VAC14: variants seen among roughly 807,000 people sequenced by gnomAD.
VAC14 encodes the protein VAC14 component of PIKFYVE complex.
VAC14 carries 47 observed loss-of-function variants against 85.3 expected under a neutral mutation model. The observed-to-expected ratio is 0.55, with a 90% CI of 0.44 to 0.70. The LOEUF (loss-of-function observed/expected upper bound fraction) is 0.70. Ranked by LOEUF, VAC14 falls within the 30% of genes least tolerant of loss-of-function variation. VAC14 has a pLI of 0.00. For missense variants in VAC14, 861 were observed against 1,004.3 expected (o/e 0.86, Z 1.93); for synonymous variants, 447 against 430.5 (o/e 1.04, Z -0.47).
intron 14 of VAC14, among the ~76,000 whole-genome samples, chr16:70,709,006 C>T (rs1023669167): frequency 6.6e-6 from 1 of 152,226 alleles, no homozygotes; most frequent in African/African-American, 2.4e-5. Context: ...GAGAAGTGCC[C>T]AAGCCCTTGG....
chr16:70,697,636 A>G (rs1289053686), intron 15 of VAC14, among the ~76,000 whole-genome samples: 1 of 152,090 alleles, frequency 6.6e-6, no homozygotes, highest in Non-Finnish European at 1.5e-5. Context: ...GTGGGCAGGG[A>G]AGGGAGGAAG....
chr16:70,761,022 TGGGGGGGCGG>T (rs2032324436), intron 12 of VAC14: 2 of 190,054 alleles, frequency 1.1e-5, no homozygotes, highest in African/African-American at 5.1e-5. Flanking sequence ...TGTGTGTGCA[TGGGGGGGCGG>T]GGGGTAGGCA....
At chr16:70,754,721 G>A (rs1438461084) in intron 12 of VAC14, among the ~76,000 whole-genome samples, 2 of 152,124 alleles carry the variant, frequency 1.3e-5, no homozygotes, top group South Asian at 2.1e-4. Flanking sequence ...GCACCGACAC[G>A]GCACCCCTCC....
intron 12 of VAC14, among the ~76,000 whole-genome samples, chr16:70,758,518 G>C (rs1481825910): frequency 6.6e-6 from 1 of 152,242 alleles, no homozygotes; most frequent in Non-Finnish European, 1.5e-5. Context: ...CTGGGAGGCA[G>C]CTGTGCCTAG....
Position 70,731,622 on chromosome 16 carries a change from T to C in VAC14, c.1534A>G (p.Lys512Glu). 1 of 1,613,974 alleles carries C rather than the reference T, an allele frequency of 6.2e-7. No homozygotes were observed. The highest frequency in any genetic ancestry group is 8.5e-7 in the Non-Finnish European group (1 of 1,179,946). Residue 512 changes from lysine to glutamate, a missense_variant, in exon 14 of 19, where the codon AAA becomes GAA. Physicochemically the swap from Lys to Glu is moderately conservative, Grantham distance 56. This residue lies in a region of VAC14 where 629 missense variants were observed against 703.1 expected (regional missense o/e 0.89). Coordinates refer to ENST00000261776, the MANE Select transcript of VAC14 (RefSeq NM_018052.5). ...RAGLLNTSGT[K>E]GLECSPSTPT... is the part of the protein sequence containing the mutation. ...GTTGAAGGAGAACATTCTAAGCCTTTGGTACCTGTAGAGAAAGGGATAGAG... is the reference window on the plus strand; with the variant it reads ...GTTGAAGGAGAACATTCTAAGCCTTCGGTACCTGTAGAGAAAGGGATAGAG...
Position 70,785,694 on chromosome 16 carries a change from G to T in VAC14, c.423+8C>A. On this transcript the variant is annotated splice_region_variant and intron_variant, in intron 3 of 18. Coordinates refer to ENST00000261776, the MANE Select transcript of VAC14 (RefSeq NM_018052.5). Reference sequence around the variant, plus strand: ...CAGCTCAGTGAGGAGGAGGAGGAGGGCGGTTACCTTGCTCAGCCCGTCAAA... The same window carrying T: ...CAGCTCAGTGAGGAGGAGGAGGAGGTCGGTTACCTTGCTCAGCCCGTCAAA... The T allele has an allele frequency of 3.9e-6, 6 of 1,549,582 alleles. No homozygotes were observed.
At chr16:70,698,901 G>A (rs892990964) in intron 14 of VAC14, 90 bp from the exon 15 acceptor site, 73 of 1,386,472 alleles carry the variant, frequency 5.3e-5, no homozygotes, top group African/African-American at 8.6e-5. Flanking sequence ...GTTTTGCAGC[G>A]TCCTGGGGAA....
chr16:70,702,515 G>C (rs1232485297), intron 14 of VAC14, among the ~76,000 whole-genome samples: 1 of 152,140 alleles, frequency 6.6e-6, no homozygotes, highest in African/African-American at 2.4e-5. Flanking sequence ...GGCTGCTCTG[G>C]GGCTGGCAGC....
intron 10 of VAC14, chr16:70,768,371 C>T (rs935361559): frequency 1.2e-5 from 2 of 161,310 alleles, no homozygotes; most frequent in South Asian, 1.7e-4. Flanking sequence ...AGAGCAGTCA[C>T]GAGAGAGAAC....
At chr16:70,705,736 G>C (rs2142993894) in intron 14 of VAC14, among the ~76,000 whole-genome samples, 1 of 152,296 alleles carries the variant, frequency 6.6e-6, no homozygotes, top group South Asian at 2.1e-4. Flanking sequence ...TCCCCATGAT[G>C]AACAGAGGAC....
At chr16:70,800,614 C>G (rs1202435447) in intron 1 of VAC14, among the ~76,000 whole-genome samples, 183 bp downstream of exon 1, 3 of 152,238 alleles carry the variant, frequency 2.0e-5, no homozygotes, top group Non-Finnish European at 4.4e-5. Context: ...CCAAATCACA[C>G]AGCCAGTCAG....
At chr16:70,693,851 A>G (rs1044080389) in intron 17 of VAC14, among the ~76,000 whole-genome samples, 1 of 152,132 alleles carries the variant, frequency 6.6e-6, no homozygotes, top group African/African-American at 2.4e-5. Flanking sequence ...TCACCCCTGG[A>G]GCGGCCACAC....
In VAC14 at chr16:70,783,429, C is replaced by T. The variant is rs2033905834; in HGVS notation, c.704+16G>A. Reference sequence around the variant, plus strand: ...GTGGCAGGAGGCAGCAGCTTCCTGCCCCTTACTCCACTCACATTTTGCGAA... The same window carrying T: ...GTGGCAGGAGGCAGCAGCTTCCTGCTCCTTACTCCACTCACATTTTGCGAA... On this transcript the variant is annotated intron_variant, in intron 6 of 18. Transcript: ENST00000261776. 2 of 1,613,098 alleles carry T rather than the reference C, an allele frequency of 1.2e-6. No individual in the cohort carries two copies.
At chr16:70,784,656 G>A in intron 4 of VAC14, 120 bp downstream of exon 4, 2 of 1,025,546 alleles carry the variant, frequency 2.0e-6, no homozygotes, top group African/African-American at 1.6e-5. Flanking sequence ...GGGAGTACAT[G>A]TAAATTTAAA....
At chr16:70,786,430 G>C in intron 1 of VAC14, 65 bp from the exon 2 acceptor site, 1 of 1,580,388 alleles carries the variant, frequency 6.3e-7, no homozygotes, top group Non-Finnish European at 8.6e-7. Flanking sequence ...CCAGGGCCTG[G>C]GGCGGCAATG....
chr16:70,759,606 C>T (rs773537729), intron 12 of VAC14, among the ~76,000 whole-genome samples: 7 of 152,018 alleles, frequency 4.6e-5, no homozygotes, highest in Non-Finnish European at 2.9e-5. Context: ...CTAGCCTGGG[C>T]GAGAGTGAGA....
At chr16:70,777,391 T>G (rs1469572569) in intron 9 of VAC14, among the ~76,000 whole-genome samples, 3 of 152,232 alleles carry the variant, frequency 2.0e-5, no homozygotes, top group South Asian at 2.1e-4. Flanking sequence ...ATAAGAAATC[T>G]GAGGCTCAGA....
chr16:70,697,292 C>T lies in VAC14; in HGVS notation c.1837-35G>A, dbSNP rs192241129. 5.4e-5 allele frequency: 85 copies of T among 1,577,146 alleles called. No homozygotes were observed. The African/African-American group carries it at 9.4e-4, about 17-fold the overall frequency. ...AACAGGCATGAGCCGTGAGGACACG[C>T]CTGCTCCTTGCCCCTACCCGGTCCA... On this transcript the variant is annotated intron_variant, in intron 15 of 18. Coordinates refer to ENST00000261776, the MANE Select transcript of VAC14 (RefSeq NM_018052.5).
chr16:70,765,907 G>A (rs369404038), intron 10 of VAC14, among the ~76,000 whole-genome samples: 2 of 152,096 alleles, frequency 1.3e-5, no homozygotes, highest in Non-Finnish European at 2.9e-5. Context: ...CGAGGCAGGC[G>A]GATGATTTGA....
Sources: gnomAD v4.1 joint callset for allele counts (sites outside exome capture counted in the v4.1 genomes callset) on GRCh38, gnomAD v4.1.1 for gene constraint, gnomAD v4.1.1 regional missense constraint, MANE v1.5 for transcripts, NCBI Gene and HGNC (gene_info 2026-07-23, HGNC 2026-07-21) for gene names.